The following THSD7A variants were observed in gnomAD, a reference collection of about 807,000 sequenced individuals.
THSD7A encodes the protein thrombospondin type-1 domain-containing protein 7A.
A neutral mutation model predicts 231.3 loss-of-function variants in THSD7A; 96 were observed. The observed-to-expected ratio is 0.41, with a 90% CI of 0.35 to 0.49. THSD7A has a LOEUF of 0.49. Ranked by LOEUF, THSD7A falls within the 20% of genes least tolerant of loss-of-function variation. The probability of loss-of-function intolerance (pLI) is 0.05; values close to 1 mark genes in which losing one functional copy is unlikely to be tolerated. For synonymous variants in THSD7A, 940 were observed against 743.3 expected, an observed-to-expected ratio of 1.26 and a Z score of -4.30; for missense variants, 2,290 against 2,070.2, an observed-to-expected ratio of 1.11 and a Z score of -2.06.
intron 6 of THSD7A, among the ~76,000 whole-genome samples, chr7:11,491,233 T>TA (rs1471815451): frequency 6.6e-6 from 1 of 152,096 alleles, no homozygotes; most frequent in East Asian, 1.9e-4. Flanking sequence ...AAAGCTAACT[T>TA]ACGTAATTTT....
chr7:11,528,214 A>G (rs184592274), intron 6 of THSD7A, among the ~76,000 whole-genome samples: 5 of 152,242 alleles, frequency 3.3e-5, no homozygotes, highest in Admixed American at 2.0e-4. Context: ...TCATGTGAGG[A>G]TAGCTCTAAA....
In THSD7A at chr7:11,401,654, C is replaced by T. The variant is rs368461982; in HGVS notation, c.4411+141G>A. 7.1e-4 allele frequency: 495 copies of T among 693,746 alleles called. 3 individuals carry two copies. Among genetic ancestry groups the T allele is most frequent in the South Asian group, 3.5e-3 (131 of 37,134 alleles). 43.0% of individuals were successfully genotyped at this position (693,746 alleles called of 1,614,324 possible). Reference sequence around the variant, plus strand: ...TCACAACTCCTGGCCTCAGGTGATCCGCCCACCTAGGCCTCCCAAAGCGTT... The same window carrying T: ...TCACAACTCCTGGCCTCAGGTGATCTGCCCACCTAGGCCTCCCAAAGCGTT... On this transcript the variant is annotated intron_variant, in intron 23 of 27. Transcript: ENST00000423059.
At chr7:11,604,243 G>C (rs550579962) in intron 2 of THSD7A, among the ~76,000 whole-genome samples, 1 of 152,184 alleles carries the variant, frequency 6.6e-6, no homozygotes, top group African/African-American at 2.4e-5. Flanking sequence ...TGAGTACAAG[G>C]AGGTTAAAGA....
rs1782028137 is a variant in THSD7A, at chr7:11,370,913, G to T, written c.*4881C>A. The T allele has an allele frequency of 6.6e-6, 1 of 152,070 alleles. No individual in the cohort carries two copies. 9.4% of individuals were successfully genotyped at this position (152,070 alleles called of 1,614,324 possible). On this transcript the variant is annotated 3_prime_UTR_variant, in exon 28 of 28. Coordinates refer to ENST00000423059, the MANE Select transcript of THSD7A (RefSeq NM_015204.3). ...TACTTTCTAAAAATAAACACAAACA[G>T]ATTTCTGAAAAATAGGGAAAAGTTT... is the stretch of plus-strand genomic sequence containing the variant.
chr7:11,551,415 C>T (rs1789621226), intron 4 of THSD7A, among the ~76,000 whole-genome samples: 1 of 152,000 alleles, frequency 6.6e-6, no homozygotes, highest in South Asian at 2.1e-4. Context: ...AGATAACTTA[C>T]AAAGTGAGAG....
chr7:11,609,966 A>C (rs1780867489), intron 2 of THSD7A, among the ~76,000 whole-genome samples: 1 of 152,168 alleles, frequency 6.6e-6, no homozygotes, highest in Admixed American at 6.6e-5. Flanking sequence ...GGAGAGAAGC[A>C]TTTCCATTTT....
chr7:11,622,667 AACAGG>A (rs1781353583), intron 2 of THSD7A, among the ~76,000 whole-genome samples: 1 of 152,104 alleles, frequency 6.6e-6, no homozygotes, highest in African/African-American at 2.4e-5. Flanking sequence ...CTCTATCTTA[AACAGG>A]ACCACCAGGG....
chr7:11,727,081 C>T (rs1341643170), intron 1 of THSD7A, among the ~76,000 whole-genome samples: 3 of 151,964 alleles, frequency 2.0e-5, no homozygotes, highest in African/African-American at 7.2e-5. Flanking sequence ...ACCCCTGGTG[C>T]TGATATTATT....
chr7:11,542,713 C>A (rs1424915079), intron 5 of THSD7A, among the ~76,000 whole-genome samples: 1 of 152,200 alleles, frequency 6.6e-6, no homozygotes, highest in Non-Finnish European at 1.5e-5. Context: ...TCATCCTAAC[C>A]ATTGCACTAA....
rs2128331268 is a variant in THSD7A at position 11,564,618 on chromosome 7, A to G, written c.1454-21501T>C. Among the ~76,000 whole-genome samples, 2 of 152,238 alleles carry G rather than the reference A, an allele frequency of 1.3e-5. 1 individual carries two copies. The highest frequency in any genetic ancestry group is 4.1e-4 in the South Asian group (2 of 4,820). On this transcript the variant is annotated intron_variant, in intron 4 of 27. Coordinates refer to ENST00000423059, the MANE Select transcript of THSD7A (RefSeq NM_015204.3). ...ATCTTAGCAGACAGAAACTCCTCCCAGGGTCTAGAGTCTAGATGGGCTGTC... is the reference window on the plus strand; with the variant it reads ...ATCTTAGCAGACAGAAACTCCTCCCGGGGTCTAGAGTCTAGATGGGCTGTC...
intron 6 of THSD7A, among the ~76,000 whole-genome samples, chr7:11,518,878 A>G (rs1285627396): frequency 3.3e-5 from 5 of 152,208 alleles, no homozygotes; most frequent in African/African-American, 9.7e-5. Flanking sequence ...ATATAGAAAC[A>G]TATTTCATTC....
At chr7:11,400,512 CT>C (rs150498279) in intron 23 of THSD7A, among the ~76,000 whole-genome samples, 569 of 150,848 alleles carry the variant, frequency 3.8e-3, no homozygotes, top group Non-Finnish European at 6.3e-3. Flanking sequence ...TGTCATTGTT[CT>C]ATTGATTCCT....
chr7:11,793,598 CAT>C (rs1001173345), intron 1 of THSD7A, among the ~76,000 whole-genome samples: 4 of 151,254 alleles, frequency 2.6e-5, no homozygotes, highest in African/African-American at 9.7e-5. Context: ...AATGAAGAAA[CAT>C]ATGGCAAAAA....
intron 1 of THSD7A, among the ~76,000 whole-genome samples, chr7:11,800,863 T>C (rs113049565): frequency 0.027 from 4,126 of 152,238 alleles, 178 homozygotes; most frequent in African/African-American, 0.093. Context: ...TAAAAGAGGA[T>C]AGATCTCATG....
At position 11,417,616 on chromosome 7, in the gene THSD7A, A is replaced by G. The variant is rs746084164; in HGVS notation, c.3384-13T>C. The G allele has an allele frequency of 1.3e-6, 2 of 1,592,048 alleles. No homozygotes were observed. The highest frequency in any genetic ancestry group is 1.7e-6 in the Non-Finnish European group (2 of 1,174,058). ...ATTCTGCATGCATCTAGAAAAGAACATAAACATATTCTAGAAAATATACAT... is the reference window on the plus strand; with the variant it reads ...ATTCTGCATGCATCTAGAAAAGAACGTAAACATATTCTAGAAAATATACAT... On this transcript the variant is annotated splice_polypyrimidine_tract_variant and intron_variant, in intron 16 of 27. Transcript: ENST00000423059.
chr7:11,379,456 C>T (rs1398135499), intron 25 of THSD7A, 174 bp downstream of exon 25: 2 of 872,580 alleles, frequency 2.3e-6, no homozygotes, highest in Non-Finnish European at 3.5e-6. Flanking sequence ...AAAATGTATT[C>T]TAAAGGTGAA....
chr7:11,788,035 T>C (rs1783842736), intron 1 of THSD7A, among the ~76,000 whole-genome samples: 2 of 152,030 alleles, frequency 1.3e-5, no homozygotes, highest in Admixed American at 1.3e-4. Context: ...CAACTCACCA[T>C]CTTGGCTACA....
chr7:11,636,555 T>C lies in THSD7A; in HGVS notation c.597A>G (p.Glu199=). The C allele has an allele frequency of 1.2e-6, 2 of 1,613,846 alleles. No individual in the cohort carries two copies. The highest frequency in any genetic ancestry group is 1.7e-6 in the Non-Finnish European group (2 of 1,179,878). Residue 199 remains glutamate (E), a synonymous_variant, in exon 2 of 28, where the codon GAA becomes GAG. Transcript: ENST00000423059. The surrounding 1 kb of genome is among the most constrained non-coding windows in gnomAD (Gnocchi z 10.0). The part of the protein sequence containing the change: ...IPCQQDCIVS[E]FSAWSECSKT... ...TGGAGCATTCGGACCAGGCAGAAAA[T>C]TCAGACACGATGCAATCTTGCTGGC...
chr7:11,543,799 G>A (rs1044074914), intron 4 of THSD7A, among the ~76,000 whole-genome samples: 7 of 150,336 alleles, frequency 4.7e-5, no homozygotes, highest in Non-Finnish European at 8.8e-5. Flanking sequence ...GATAAATGTT[G>A]CTTGTCCTTG....
Sources: gnomAD v4.1 joint callset for allele counts (sites outside exome capture counted in the v4.1 genomes callset) on GRCh38, gnomAD v4.1.1 for gene constraint, Gnocchi (gnomAD v3.1) non-coding constraint, MANE v1.5 for transcripts, NCBI Gene and HGNC (gene_info 2026-07-23, HGNC 2026-07-21) for gene names.